Variants in SPRR2B observed in about 807,000 individuals in gnomAD.
SPRR2B encodes small proline-rich protein 2B.
A neutral mutation model predicts 1.0 loss-of-function variants in SPRR2B; 1 was observed. The ratio of observed to expected loss-of-function variants is 1.01; its 90% CI spans 0.36 to 4.77. The LOEUF is 4.77. Ranked by LOEUF, SPRR2B falls within the 30% of genes most tolerant of loss-of-function variation. The pLI is 0.16. For missense variants in SPRR2B, 53 were observed against 88.7 expected, an observed-to-expected ratio of 0.60 and a Z score of 1.62; for synonymous variants, 27 against 33.4, an observed-to-expected ratio of 0.81 and a Z score of 0.66.
At chr1:153,082,084 GTGTTA>G in the SPRR2B span, among the ~76,000 whole-genome samples, 1 of 151,926 alleles carries the variant, frequency 6.6e-6, no homozygotes, top group Non-Finnish European at 1.5e-5. Flanking sequence ...GGTTAAACGG[GTGTTA>G]ATTCAAATTA....
At chr1:153,075,783 T>A (rs200936632), upstream of SPRR2B, among the ~76,000 whole-genome samples, 1 of 152,044 alleles carries the variant, frequency 6.6e-6, no homozygotes, top group Non-Finnish European at 1.5e-5. Flanking sequence ...GTGCCAGAAG[T>A]TTTTAGGACA....
At chr1:153,072,212 T>A (rs902816538), upstream of SPRR2B, among the ~76,000 whole-genome samples, 1 of 152,170 alleles carries the variant, frequency 6.6e-6, no homozygotes, top group African/African-American at 2.4e-5. Flanking sequence ...AACCCCAGAT[T>A]TTACCTATAT....
chr1:153,085,427 G>A, the SPRR2B span, among the ~76,000 whole-genome samples: 1 of 145,282 alleles, frequency 6.9e-6, no homozygotes, highest in Non-Finnish European at 1.5e-5. Context: ...ACCAGGCAGA[G>A]AAAAGAATCC....
upstream of SPRR2B, among the ~76,000 whole-genome samples, chr1:153,072,051 G>A (rs909186600): frequency 2.6e-5 from 4 of 152,164 alleles, no homozygotes; most frequent in Non-Finnish European, 5.9e-5. Context: ...TTTTTGCTAA[G>A]TTGTATGCCA....
the SPRR2B span, among the ~76,000 whole-genome samples, chr1:153,081,664 T>C: frequency 5.1e-4 from 78 of 152,226 alleles, no homozygotes; most frequent in African/African-American, 1.6e-3. Context: ...TTTTAGCTTG[T>C]AACTTCACTT....
chr1:153,084,461 C>A, the SPRR2B span, among the ~76,000 whole-genome samples: 2 of 152,078 alleles, frequency 1.3e-5, no homozygotes, highest in Admixed American at 1.3e-4. Context: ...CTCCTGCACC[C>A]CAAACAAAAA....
At chr1:153,078,895 G>A in the SPRR2B span, among the ~76,000 whole-genome samples, 744 of 152,322 alleles carry the variant, frequency 4.9e-3, 4 homozygotes, top group Non-Finnish European at 8.3e-3. Context: ...GGGATGGCTG[G>A]TCAAATGGTA....
At chr1:153,071,454 C>T (rs1421672427) in intron 1 of SPRR2B, among the ~76,000 whole-genome samples, 115 bp downstream of exon 1, 1 of 152,180 alleles carries the variant, frequency 6.6e-6, no homozygotes, top group African/African-American at 2.4e-5. Context: ...GTATTTCCAT[C>T]CACTAAGTAC....
the SPRR2B span, among the ~76,000 whole-genome samples, chr1:153,087,627 A>G: frequency 1.3e-5 from 2 of 151,936 alleles, no homozygotes; most frequent in African/African-American, 4.8e-5. Flanking sequence ...CTCTATGTAC[A>G]TAAGCTAGAA....
the SPRR2B span, among the ~76,000 whole-genome samples, chr1:153,086,740 A>G: frequency 1.3e-5 from 2 of 152,250 alleles, no homozygotes; most frequent in Admixed American, 6.5e-5. Flanking sequence ...CTTGCTAATA[A>G]TCTACAACTG....
chr1:153,072,542 C>A (rs772210019), upstream of SPRR2B, among the ~76,000 whole-genome samples: 6 of 152,120 alleles, frequency 3.9e-5, no homozygotes, highest in Non-Finnish European at 8.8e-5. Context: ...GGGGTCTTCT[C>A]AGAGTAGAGA....
chr1:153,070,559 C>T lies in SPRR2B; in HGVS notation c.*62G>A. Reference sequence around the variant, plus strand: ...CTTTGATGAGAAGATGAAGGTGGAGCTGTGGAACGAGGTGAGCCAATTATC... The same window carrying T: ...CTTTGATGAGAAGATGAAGGTGGAGTTGTGGAACGAGGTGAGCCAATTATC... On this transcript the variant is annotated 3_prime_UTR_variant, in exon 2 of 2. Coordinates refer to ENST00000368755, the MANE Select transcript of SPRR2B (RefSeq NM_001388198.1). 6.4e-7 allele frequency: 1 copy of T among 1,570,640 alleles called. No individual in the cohort carries two copies.
At chr1:153,084,640 G>A in the SPRR2B span, among the ~76,000 whole-genome samples, 1 of 152,064 alleles carries the variant, frequency 6.6e-6, no homozygotes, top group South Asian at 2.1e-4. Flanking sequence ...ACAGAGGCAG[G>A]TACCCTAGCA....
chr1:153,072,456 A>G (rs924396522), upstream of SPRR2B, among the ~76,000 whole-genome samples: 1 of 152,230 alleles, frequency 6.6e-6, no homozygotes, highest in Non-Finnish European at 1.5e-5. Context: ...AACCATGCCT[A>G]TATCTTTCCC....
chr1:153,087,499 A>G, the SPRR2B span, among the ~76,000 whole-genome samples: 1 of 152,152 alleles, frequency 6.6e-6, no homozygotes, highest in Non-Finnish European at 1.5e-5. Context: ...TAAGTAGACT[A>G]CTAGTTAGAC....
the SPRR2B span, among the ~76,000 whole-genome samples, chr1:153,082,755 T>TG: frequency 6.7e-6 from 1 of 149,366 alleles, no homozygotes; most frequent in African/African-American, 2.5e-5. Flanking sequence ...ACATTTTTAA[T>TG]GAAAAAAAAA....
chr1:153,084,970 A>G, the SPRR2B span, among the ~76,000 whole-genome samples: 4 of 152,224 alleles, frequency 2.6e-5, no homozygotes, highest in Non-Finnish European at 5.9e-5. Flanking sequence ...TTGATGTTAT[A>G]CCACAATCAA....
At chr1:153,081,904 C>T in the SPRR2B span, among the ~76,000 whole-genome samples, 2 of 151,026 alleles carry the variant, frequency 1.3e-5, no homozygotes, top group South Asian at 2.1e-4. Flanking sequence ...CTCACTGCAA[C>T]CTCCGCCTCT....
At chr1:153,077,812 G>A in the SPRR2B span, among the ~76,000 whole-genome samples, 13 of 152,030 alleles carry the variant, frequency 8.6e-5, no homozygotes, top group African/African-American at 2.9e-4. Context: ...GCAGGGTTTC[G>A]CCATGTTGGC....
Sources: allele counts gnomAD v4.1 joint callset (sites outside exome capture counted in the v4.1 genomes callset), GRCh38; gene constraint gnomAD v4.1.1; transcripts MANE v1.5; gene names NCBI Gene and HGNC (gene_info 2026-07-23, HGNC 2026-07-21).